The following CTNNA3 variants were observed in gnomAD, a reference collection of about 807,000 sequenced individuals.
CTNNA3 encodes catenin alpha-3.
In CTNNA3, 76 loss-of-function variants were observed where a neutral mutation model predicts 95.7. That is an observed-to-expected ratio of 0.79 (90% CI 0.66 to 0.96). CTNNA3 has a LOEUF of 0.96. CTNNA3 is among the 40% of genes least tolerant of loss of function. The probability of loss-of-function intolerance (pLI) is 0.00; values close to 1 mark genes in which losing one functional copy is unlikely to be tolerated. For synonymous variants in CTNNA3, 431 were observed against 374.4 expected (o/e 1.15, Z -1.74); for missense variants, 1,191 against 1,089.8 (o/e 1.09, Z -1.31).
chr10:66,346,689 A>G (rs1031230987), intron 12 of CTNNA3, among the ~76,000 whole-genome samples: 8 of 152,140 alleles, frequency 5.3e-5, no homozygotes, highest in Admixed American at 3.9e-4. Context: ...TTGCAGCTAT[A>G]TGGTAGGATA....
chr10:66,792,993 A>T (rs1278163597), intron 7 of CTNNA3, among the ~76,000 whole-genome samples: 2 of 152,156 alleles, frequency 1.3e-5, no homozygotes, highest in Non-Finnish European at 2.9e-5. Flanking sequence ...TTTGTTTTAT[A>T]AATGTTGAAA....
At chr10:66,354,173 A>C (rs914965862) in intron 12 of CTNNA3, among the ~76,000 whole-genome samples, 1 of 151,978 alleles carries the variant, frequency 6.6e-6, no homozygotes. Flanking sequence ...AATCCCAGCT[A>C]CTTGGGAGGC....
chr10:66,957,001 A>G (rs1848827043), intron 7 of CTNNA3, among the ~76,000 whole-genome samples: 1 of 152,230 alleles, frequency 6.6e-6, no homozygotes, highest in South Asian at 2.1e-4. Flanking sequence ...CATGGAATGT[A>G]GAAGATAATT....
chr10:67,355,385 G>A (rs1842773364), intron 5 of CTNNA3, among the ~76,000 whole-genome samples: 1 of 151,920 alleles, frequency 6.6e-6, no homozygotes, highest in African/African-American at 2.4e-5. Context: ...GCCACGAGTA[G>A]TGGATTTACT....
chr10:67,423,302 A>G (rs577606223), intron 5 of CTNNA3, among the ~76,000 whole-genome samples: 1 of 152,236 alleles, frequency 6.6e-6, no homozygotes, highest in South Asian at 2.1e-4. Context: ...CACAACCTCA[A>G]TTGACCAACC....
chr10:67,103,945 T>C (rs1858485594), intron 7 of CTNNA3, among the ~76,000 whole-genome samples: 1 of 151,656 alleles, frequency 6.6e-6, no homozygotes, highest in Non-Finnish European at 1.5e-5. Context: ...TTATACATGG[T>C]TCCCTAAAAA....
chr10:66,559,533 G>A (rs907948201), intron 10 of CTNNA3, among the ~76,000 whole-genome samples: 2 of 151,780 alleles, frequency 1.3e-5, no homozygotes, highest in African/African-American at 4.8e-5. Context: ...CAATACACAG[G>A]AACACCCCCC....
chr10:66,970,508 G>GGGT (rs1422578176), intron 7 of CTNNA3, among the ~76,000 whole-genome samples: 18 of 140,022 alleles, frequency 1.3e-4, no homozygotes, highest in Admixed American at 7.4e-4. Flanking sequence ...TGGGTGGGGG[G>GGGT]GGGATACAAT....
At chr10:66,707,762 T>A (rs960725732) in intron 9 of CTNNA3, among the ~76,000 whole-genome samples, 2 of 152,124 alleles carry the variant, frequency 1.3e-5, no homozygotes, top group Non-Finnish European at 2.9e-5. Flanking sequence ...CCATATTTCA[T>A]GTGTCAGCTG....
chr10:67,141,985 T>C (rs1860590648), intron 7 of CTNNA3, among the ~76,000 whole-genome samples: 1 of 152,162 alleles, frequency 6.6e-6, no homozygotes, highest in Non-Finnish European at 1.5e-5. Flanking sequence ...GGCTGGTAAT[T>C]CAGTGCATTA....
In CTNNA3 at chr10:67,606,865, C is replaced by T. The variant is rs779423519; in HGVS notation, c.284G>A (p.Arg95His). 23 of 1,612,282 alleles carry T rather than the reference C, an allele frequency of 1.4e-5. No individual in the cohort carries two copies. Among genetic ancestry groups the T allele is most frequent in the Non-Finnish European group, 1.7e-5 (20 of 1,179,062 alleles). ...AGGATTGGAGTACTCACTTTCTTTG[C>T]GAACTTCCTCAAGTGAAGCCGTAAG... ...DELTASLEEV[R>H]KESEALKVSA... is the part of the protein sequence containing the mutation. Residue 95 changes from arginine (R) to histidine (H), a missense_variant, in exon 3 of 18, where the codon CGC (arginine) becomes CAC (histidine). Transcript: ENST00000433211.
At chr10:66,854,264 T>C (rs1379171244) in intron 7 of CTNNA3, among the ~76,000 whole-genome samples, 3 of 151,934 alleles carry the variant, frequency 2.0e-5, no homozygotes, top group African/African-American at 7.2e-5. Context: ...ATTGAGTTCT[T>C]TTCCTGTCCC....
chr10:66,104,076 A>C (rs1326490127), intron 13 of CTNNA3, among the ~76,000 whole-genome samples: 2 of 152,190 alleles, frequency 1.3e-5, no homozygotes, highest in Non-Finnish European at 2.9e-5. Flanking sequence ...ATTATCAAGA[A>C]ATTAAAATTT....
chr10:66,259,186 C>T (rs1002612196), intron 13 of CTNNA3, among the ~76,000 whole-genome samples: 4 of 152,164 alleles, frequency 2.6e-5, no homozygotes, highest in African/African-American at 9.7e-5. Context: ...CTTCCATTTA[C>T]ATGGGGCCTC....
In CTNNA3 at chr10:66,237,826, C is replaced by G. The variant is rs79080911; in HGVS notation, c.1884+42644G>C. Among the ~76,000 whole-genome samples, 259 of 152,114 alleles carry G rather than the reference C, an allele frequency of 1.7e-3. 3 individuals are homozygous for G. Among genetic ancestry groups the G allele is most frequent in the African/African-American group, 5.8e-3 (240 of 41,516 alleles). ...CTAAATAATCATACAAAGTCCATAT[C>G]AATGCTTTGATACTTGACATTATGG... On this transcript the variant is annotated intron_variant, in intron 13 of 17. Transcript: ENST00000433211.
chr10:66,295,211 A>C (rs12357109), intron 12 of CTNNA3, among the ~76,000 whole-genome samples: 25,591 of 152,206 alleles, frequency 0.17, 2,618 homozygotes, highest in Admixed American at 0.27. Context: ...ATTGTAATAG[A>C]GACTTAACCT....
intron 7 of CTNNA3, among the ~76,000 whole-genome samples, chr10:67,106,751 C>G (rs990423900): frequency 6.6e-6 from 1 of 152,176 alleles, no homozygotes; most frequent in East Asian, 1.9e-4. Flanking sequence ...GTATAGACCC[C>G]AATGCTAAGT....
chr10:67,159,950 A>G (rs1861462750), intron 7 of CTNNA3, among the ~76,000 whole-genome samples: 1 of 152,206 alleles, frequency 6.6e-6, no homozygotes, highest in Non-Finnish European at 1.5e-5. Flanking sequence ...ATGGAAGGAA[A>G]CATTTGCAAA....
At chr10:67,096,607 C>A (rs1858009052) in intron 7 of CTNNA3, among the ~76,000 whole-genome samples, 1 of 151,862 alleles carries the variant, frequency 6.6e-6, no homozygotes, top group African/African-American at 2.4e-5. Flanking sequence ...CTTTTTAGGA[C>A]AAGTTTTTAT....
Sources: gnomAD v4.1 joint callset for allele counts (sites outside exome capture counted in the v4.1 genomes callset) on GRCh38, gnomAD v4.1.1 for gene constraint, MANE v1.5 for transcripts, NCBI Gene and HGNC (gene_info 2026-07-23, HGNC 2026-07-21) for gene names.